The following CALN1 variants were observed in gnomAD, a reference collection of about 807,000 sequenced individuals.
CALN1 encodes calneuron 1.
In CALN1, 17 loss-of-function variants were observed where a neutral mutation model predicts 30.6. That is an observed-to-expected ratio of 0.56 (90% confidence interval 0.38 to 0.83). The LOEUF (loss-of-function observed/expected upper bound fraction) is 0.83. CALN1 is among the 40% of genes least tolerant of loss of function. CALN1 has a pLI of 0.00. For missense variants in CALN1, 291 were observed against 354.9 expected (o/e 0.82, Z 1.45); for synonymous variants, 156 against 131.4 (o/e 1.19, Z -1.28).
chr7:72,386,367 T>A (rs906038401), intron 2 of CALN1, among the ~76,000 whole-genome samples: 1 of 152,070 alleles, frequency 6.6e-6, no homozygotes, highest in African/African-American at 2.4e-5. Flanking sequence ...CTGACTTAAG[T>A]AACTTTGGAA....
At chr7:72,025,832 T>G (rs1801018967) in intron 4 of CALN1, among the ~76,000 whole-genome samples, 1 of 152,098 alleles carries the variant, frequency 6.6e-6, no homozygotes, top group African/African-American at 2.4e-5. Flanking sequence ...TCAAAACCTA[T>G]TTCACAATGC....
chr7:72,410,858 T>A (rs1224587946), intron 1 of CALN1, among the ~76,000 whole-genome samples: 3 of 152,070 alleles, frequency 2.0e-5, no homozygotes, highest in South Asian at 2.1e-4. Flanking sequence ...TCAGAAAAAA[T>A]ACAAGGATGT....
chr7:72,484,667 AGCC>A, the CALN1 span, among the ~76,000 whole-genome samples: 1 of 152,100 alleles, frequency 6.6e-6, no homozygotes, highest in East Asian at 1.9e-4. Context: ...TTTGAATTCC[AGCC>A]ACCTTCATCT....
At chr7:71,873,196 G>T (rs1792046697) in intron 5 of CALN1, among the ~76,000 whole-genome samples, 1 of 151,678 alleles carries the variant, frequency 6.6e-6, no homozygotes, top group African/African-American at 2.4e-5. Context: ...TAGAGACAGG[G>T]TTTCACCACG....
At chr7:71,929,360 T>G (rs2129520112) in intron 5 of CALN1, among the ~76,000 whole-genome samples, 1 of 152,334 alleles carries the variant, frequency 6.6e-6, no homozygotes, top group South Asian at 2.1e-4. Context: ...CAGCTCCCAC[T>G]TACAAGTGAG....
At chr7:72,446,073 C>T (rs1024599112) in intron 1 of CALN1, among the ~76,000 whole-genome samples, 2 of 152,108 alleles carry the variant, frequency 1.3e-5, no homozygotes, top group African/African-American at 4.8e-5. Flanking sequence ...GCCCCCGGGA[C>T]CCCCAGAGAT....
At chr7:72,184,605 T>C (rs1228807074) in intron 3 of CALN1, among the ~76,000 whole-genome samples, 1 of 152,156 alleles carries the variant, frequency 6.6e-6, no homozygotes, top group African/African-American at 2.4e-5. Context: ...AAGGTAAACA[T>C]ATAGCATTTA....
chr7:72,251,705 T>C (rs1457021880), intron 3 of CALN1, among the ~76,000 whole-genome samples: 2 of 152,190 alleles, frequency 1.3e-5, no homozygotes, highest in African/African-American at 4.8e-5. Context: ...CGTAGCTTAT[T>C]TTCTGTAGTG....
chr7:72,336,608 CG>C, intron 2 of CALN1: 1 of 844,042 alleles, frequency 1.2e-6, no homozygotes, highest in African/African-American at 1.8e-5. Flanking sequence ...CGCGACAGCC[CG>C]GGGGTTTGGA....
intron 5 of CALN1, among the ~76,000 whole-genome samples, chr7:71,850,228 T>C (rs1790556911): frequency 6.6e-6 from 1 of 152,202 alleles, no homozygotes; most frequent in South Asian, 2.1e-4. Context: ...TTGTTGTTTT[T>C]TCTTGGAGAT....
chr7:72,041,447 G>A (rs1259513484), intron 4 of CALN1, among the ~76,000 whole-genome samples: 6 of 152,016 alleles, frequency 3.9e-5, no homozygotes, highest in Admixed American at 6.6e-5. Flanking sequence ...GCAGTGGTAC[G>A]ATTTCGGCTC....
chr7:72,029,147 G>A (rs973644898), intron 4 of CALN1, among the ~76,000 whole-genome samples: 1 of 151,352 alleles, frequency 6.6e-6, no homozygotes, highest in Non-Finnish European at 1.5e-5. Context: ...TTCTTTTTGA[G>A]ACAGAGTCTC....
At chr7:72,319,925 TA>T (rs1388109699) in intron 2 of CALN1, among the ~76,000 whole-genome samples, 1 of 152,038 alleles carries the variant, frequency 6.6e-6, no homozygotes, top group African/African-American at 2.4e-5. Flanking sequence ...GGGCGATGGT[TA>T]CACTAACAGC....
the CALN1 span, among the ~76,000 whole-genome samples, chr7:72,479,552 A>ATTT: frequency 0.017 from 2,202 of 130,718 alleles, 85 homozygotes; most frequent in African/African-American, 0.059. Flanking sequence ...TTATAGCACA[A>ATTT]TTTTTTTTTT....
chr7:72,259,100 A>T (rs939818263), intron 3 of CALN1, among the ~76,000 whole-genome samples: 10 of 149,248 alleles, frequency 6.7e-5, no homozygotes, highest in African/African-American at 1.7e-4. Flanking sequence ...TATATTATTT[A>T]TATATATATA....
At chr7:72,087,687 G>A (rs775259253) in intron 4 of CALN1, among the ~76,000 whole-genome samples, 1 of 152,132 alleles carries the variant, frequency 6.6e-6, no homozygotes, top group Non-Finnish European at 1.5e-5. Flanking sequence ...ATATATGTAT[G>A]AGAATATAAA....
Position 72,407,400 on chromosome 7 carries a change from A to C in CALN1, c.-73-3958T>G, listed in dbSNP as rs138011710. The stretch of plus-strand genomic sequence containing the variant: ...GTCAAACTGTAATCCCCAATGTTGG[A>C]GGTGGGGCCTGGTAACAGGTGACTG... On this transcript the variant is annotated intron_variant, in intron 1 of 6. Transcript: ENST00000395275. Among the ~76,000 whole-genome samples, 966 of 152,308 alleles carry C rather than the reference A, an allele frequency of 6.3e-3. 5 individuals are homozygous for C. The highest frequency in any genetic ancestry group is 0.022 in the African/African-American group (924 of 41,566).
At chr7:71,882,811 G>A (rs1212693129) in intron 5 of CALN1, among the ~76,000 whole-genome samples, 1 of 151,558 alleles carries the variant, frequency 6.6e-6, no homozygotes. Flanking sequence ...AGCCTCTGGA[G>A]TAGCTGGGAC....
At chr7:72,369,661 C>A (rs1804104120) in intron 2 of CALN1, among the ~76,000 whole-genome samples, 1 of 151,888 alleles carries the variant, frequency 6.6e-6, no homozygotes, top group African/African-American at 2.4e-5. Flanking sequence ...CCTTCCATTT[C>A]CTCATTCTCT....
Sources: gnomAD v4.1 joint callset for allele counts (sites outside exome capture counted in the v4.1 genomes callset) on GRCh38, gnomAD v4.1.1 for gene constraint, MANE v1.5 for transcripts, NCBI Gene and HGNC (gene_info 2026-07-23, HGNC 2026-07-21) for gene names.